The following NAV2 variants were observed in gnomAD, a reference collection of about 807,000 sequenced individuals.
The protein encoded by NAV2 is helicase, APC down-regulated 1.
NAV2 carries 54 observed loss-of-function variants against 223.2 expected under a neutral mutation model. The observed-to-expected ratio is 0.24, with a 90% confidence interval of 0.19 to 0.30. The LOEUF is 0.30. NAV2 is among the 10% of genes least tolerant of loss of function. The pLI is 1.00. For missense variants in NAV2, 2,806 were observed against 3,147.5 expected, an observed-to-expected ratio of 0.89 and a Z score of 2.60; for synonymous variants, 1,279 against 1,239.3, an observed-to-expected ratio of 1.03 and a Z score of -0.67.
intron 1 of NAV2, among the ~76,000 whole-genome samples, chr11:19,480,489 T>C (rs1157682871): frequency 6.6e-6 from 1 of 152,226 alleles, no homozygotes; most frequent in Non-Finnish European, 1.5e-5. Flanking sequence ...CCCCTTCTCC[T>C]GAGCGGTGGC....
chr11:19,568,805 G>A (rs1348799901), intron 1 of NAV2, among the ~76,000 whole-genome samples: 1 of 152,228 alleles, frequency 6.6e-6, no homozygotes, highest in Non-Finnish European at 1.5e-5. Flanking sequence ...CACACTCTGA[G>A]AATGCAAAGG....
At chr11:19,896,125 G>A (rs1262084682) in intron 6 of NAV2, among the ~76,000 whole-genome samples, 3 of 152,044 alleles carry the variant, frequency 2.0e-5, no homozygotes, top group African/African-American at 7.2e-5. Context: ...GTCAGGATCT[G>A]GCATTGCACT....
In NAV2 at chr11:20,048,619, C is replaced by G; in HGVS notation, c.3903-109C>G. 3 of 918,598 alleles carry G rather than the reference C, an allele frequency of 3.3e-6. No individual in the cohort carries two copies. The South Asian group carries it at 4.8e-5, about 15-fold the overall frequency. The allele number at this position is 918,598 out of a possible 1,614,324, so 56.9% of individuals were successfully genotyped here. On this transcript the variant is annotated intron_variant, in intron 14 of 37. Coordinates refer to ENST00000349880, the MANE Select transcript of NAV2 (RefSeq NM_145117.5). ...AGCCATTTCAGTAGGAATGGCTGTG[C>G]TTCCTTCCCCAGGAATTCTCACCAA...
intron 1 of NAV2, among the ~76,000 whole-genome samples, chr11:19,499,626 A>G (rs966014651): frequency 7.9e-5 from 12 of 152,202 alleles, no homozygotes; most frequent in Admixed American, 3.9e-4. Flanking sequence ...AACCTTGCTC[A>G]GCCTTGGTTT....
At chr11:19,458,400 G>A (rs1852035023) in intron 1 of NAV2, among the ~76,000 whole-genome samples, 2 of 152,244 alleles carry the variant, frequency 1.3e-5, no homozygotes, top group African/African-American at 4.8e-5. Context: ...AAGCCTTCCT[G>A]TGCCTAAGCC....
rs534668879 is a variant in NAV2 at position 19,633,289 on chromosome 11, T to C, written c.76-199195T>C. Among the ~76,000 whole-genome samples, 140 of 152,370 alleles carry C rather than the reference T, an allele frequency of 9.2e-4. 1 individual carries two copies. The highest frequency in any genetic ancestry group is 3.1e-3 in the African/African-American group (128 of 41,596). On this transcript the variant is annotated intron_variant, in intron 1 of 37. Transcript: ENST00000360655. ...TGTTGAGGCAAGTGAAGGCTTGACCTGGGCCTGGGGCTCCTGGCTAAGCTC... is the reference window on the plus strand; with the variant it reads ...TGTTGAGGCAAGTGAAGGCTTGACCCGGGCCTGGGGCTCCTGGCTAAGCTC...
rs151279300 is a variant in NAV2 at position 19,980,863 on chromosome 11, A to T, written c.2646-3262A>T. 1.6e-3 allele frequency among the ~76,000 whole-genome samples: 238 copies of T among 152,282 alleles called. 3 individuals carry two copies. The highest frequency in any genetic ancestry group is 0.013 in the East Asian group (70 of 5,188). Reference sequence around the variant, plus strand: ...AGAAACATTTTAAATTAATTTCTTGAGTGTGAGGCTGGCTCTAACCACAGC... The same window carrying T: ...AGAAACATTTTAAATTAATTTCTTGTGTGTGAGGCTGGCTCTAACCACAGC... On this transcript the variant is annotated intron_variant, in intron 10 of 37. Transcript: ENST00000349880.
chr11:20,031,241 C>A (rs1248310202), intron 11 of NAV2, among the ~76,000 whole-genome samples: 1 of 152,234 alleles, frequency 6.6e-6, no homozygotes, highest in African/African-American at 2.4e-5. Flanking sequence ...AACACGAATT[C>A]TCTAGGTTCC....
chr11:20,106,177 GTGTGTGTATATATATATATATATATA>G (rs2062044300), intron 35 of NAV2, among the ~76,000 whole-genome samples: 1 of 13,826 alleles, frequency 7.2e-5, no homozygotes, highest in African/African-American at 1.3e-4. Context: ...ATATATATAT[GTGTGTGTATATATATATATATATATA>G]TATATATATA....
In NAV2 at chr11:19,451,236, C is replaced by T. The variant is rs554335878; in HGVS notation, c.75+100209C>T. On this transcript the variant is annotated intron_variant, in intron 1 of 37. Coordinates refer to the NAV2 transcript ENST00000360655. The stretch of plus-strand genomic sequence containing the variant: ...CCAAAACCGAGTCCCAAGCCTGCTG[C>T]CTATTGTCTCCACCTCCTCTCATTT... 2.6e-3 allele frequency among the ~76,000 whole-genome samples: 395 copies of T among 152,208 alleles called. 2 individuals are homozygous for T. Among genetic ancestry groups the T allele is most frequent in the Non-Finnish European group, 2.7e-3 (183 of 68,006 alleles).
At chr11:19,691,878 G>C (rs967527998) in intron 1 of NAV2, among the ~76,000 whole-genome samples, 60 of 152,248 alleles carry the variant, frequency 3.9e-4, no homozygotes, top group African/African-American at 1.4e-3. Flanking sequence ...TGGCACTATG[G>C]TGTCAAAATG....
chr11:20,118,461 G>A lies in NAV2; in HGVS notation c.*203G>A, dbSNP rs140305943. The A allele has an allele frequency of 1.3e-5, 8 of 608,130 alleles. No homozygotes were observed. Among genetic ancestry groups the A allele is most frequent in the East Asian group, 8.2e-5 (3 of 36,462 alleles). The allele number at this position is 608,130 out of a possible 1,614,324, so 37.7% of individuals were successfully genotyped here. ...CCTGCGGACCGCTTCCTTCCACAGC[G>A]AGAACTGCACTACCTTCTGTTGTAC... On this transcript the variant is annotated 3_prime_UTR_variant, in exon 38 of 38. Transcript: ENST00000349880.
chr11:19,868,793 G>C (rs1469915388), intron 3 of NAV2, 132 bp from the exon 4 acceptor site: 1 of 758,466 alleles, frequency 1.3e-6, no homozygotes, highest in Non-Finnish European at 2.1e-6. Flanking sequence ...ACAGACAAAA[G>C]AGAGTGTCCT....
chr11:20,101,165 C>G lies in NAV2; in HGVS notation c.6410C>G (p.Ser2137Cys). 1 of 1,610,702 alleles carries G rather than the reference C, an allele frequency of 6.2e-7. No individual in the cohort carries two copies. The highest frequency in any genetic ancestry group is 8.5e-7 in the Non-Finnish European group (1 of 1,177,152). ...GCCACCTTTAACGTGGACCATAAGT[C>G]CAGCAAGGTGAGGAGGTCATTCTGA... is the stretch of plus-strand genomic sequence containing the variant. ...VIATFNVDHK[S>C]SKELRQYLSN... Residue 2137 changes from serine (S) to cysteine (C), a missense_variant, in exon 32 of 38, where the codon TCC (serine) becomes TGC (cysteine). This residue lies in a region of NAV2 where 824 missense variants were observed against 1,069.4 expected (regional missense o/e 0.77). Transcript: ENST00000349880.
In NAV2 at chr11:20,077,597, A is replaced by G. The variant is rs140504514; in HGVS notation, c.5029A>G (p.Ile1677Val). 17 of 1,614,164 alleles carry G rather than the reference A, an allele frequency of 1.1e-5. No homozygotes were observed. The African/African-American group carries it at 1.6e-4, about 15-fold the overall frequency. ...TGAACAGAGTCTTGGTAACATGACA[A>G]TCAGGCTCCAGAGTCTGACCATGAC... is the stretch of plus-strand genomic sequence containing the variant. ...AFEQSLGNMT[I>V]RLQSLTMTAE... The change falls in exon 23 of 38, where the codon ATC (isoleucine) becomes GTC (valine). Residue 1677 changes from isoleucine (I) to valine (V), a missense_variant. By Grantham distance (29) the Ile-to-Val change is conservative (BLOSUM62 3). Coordinates refer to ENST00000349880, the MANE Select transcript of NAV2 (RefSeq NM_145117.5).
intron 1 of NAV2, among the ~76,000 whole-genome samples, chr11:19,614,300 C>G (rs2046729693): frequency 6.6e-6 from 1 of 152,162 alleles, no homozygotes; most frequent in South Asian, 2.1e-4. Flanking sequence ...CGAGACACCT[C>G]CTGGAAACCC....
chr11:20,118,326 C>G lies in NAV2; in HGVS notation c.*68C>G. 6.4e-7 allele frequency: 1 copy of G among 1,558,366 alleles called. No homozygotes were observed. The highest frequency in any genetic ancestry group is 8.7e-7 in the Non-Finnish European group (1 of 1,143,426). ...TTCCACCTGCATCCCCCACATCACC[C>G]TGAAGATGACTTCCTGAGCCAGCCC... On this transcript the variant is annotated 3_prime_UTR_variant, in exon 38 of 38. Coordinates refer to ENST00000349880, the MANE Select transcript of NAV2 (RefSeq NM_145117.5).
chr11:19,525,997 G>A lies in NAV2; in HGVS notation c.75+174970G>A, dbSNP rs975864916. On this transcript the variant is annotated intron_variant, in intron 1 of 37. Coordinates refer to the NAV2 transcript ENST00000360655. The stretch of plus-strand genomic sequence containing the variant: ...GATAATGTTCCCCGCCTCCCTGTCA[G>A]GAGGTGCAAAGGTTTGGGTGGGCAT... 3.9e-5 allele frequency among the ~76,000 whole-genome samples: 6 copies of A among 152,154 alleles called. No homozygotes were observed. In the South Asian group the frequency reaches 1.2e-3, roughly 32 times the overall value.
At chr11:19,630,326 T>C (rs890168165) in intron 1 of NAV2, among the ~76,000 whole-genome samples, 1 of 152,242 alleles carries the variant, frequency 6.6e-6, no homozygotes, top group Non-Finnish European at 1.5e-5. Context: ...CTGCCTTTAC[T>C]ACTTCTTGGT....
Sources: allele counts gnomAD v4.1 joint callset (sites outside exome capture counted in the v4.1 genomes callset), GRCh38; gene constraint gnomAD v4.1.1; regional missense constraint gnomAD v4.1.1; transcripts MANE v1.5; gene names NCBI Gene and HGNC (gene_info 2026-07-23, HGNC 2026-07-21).